Variants in CHL1 observed in about 807,000 individuals in gnomAD.
CHL1 encodes neural cell adhesion molecule L1-like protein.
CHL1 carries 96 observed loss-of-function variants against 141.9 expected under a neutral mutation model. The ratio of observed to expected loss-of-function variants is 0.68; its 90% CI spans 0.57 to 0.80. The LOEUF (loss-of-function observed/expected upper bound fraction) is 0.80. Among genes scored for constraint, CHL1 ranks in the 30% least tolerant of loss-of-function variants. The probability of loss-of-function intolerance (pLI) is 0.00; values close to 1 mark genes in which losing one functional copy is unlikely to be tolerated. For missense variants in CHL1, 1,820 were observed against 1,457.2 expected, an observed-to-expected ratio of 1.25 and a Z score of -4.05; for synonymous variants, 613 against 502.2, an observed-to-expected ratio of 1.22 and a Z score of -2.95.
chr3:240,821 G>A (rs624266), intron 1 of CHL1, among the ~76,000 whole-genome samples: 3 of 152,094 alleles, frequency 2.0e-5, no homozygotes, highest in Non-Finnish European at 4.4e-5. Flanking sequence ...TGTGGCTTGC[G>A]AATTATCGCA....
intron 16 of CHL1, among the ~76,000 whole-genome samples, chr3:381,030 C>G (rs532599391): frequency 6.6e-6 from 1 of 152,138 alleles, no homozygotes; most frequent in African/African-American, 2.4e-5. Context: ...TATACCTAAT[C>G]CCCATCCAAG....
chr3:339,476 G>A (rs1048632185), intron 5 of CHL1, among the ~76,000 whole-genome samples: 3 of 152,112 alleles, frequency 2.0e-5, no homozygotes, highest in Admixed American at 6.6e-5. Flanking sequence ...TTTCTAAAAG[G>A]AATCTTATAG....
At position 382,582 on chromosome 3, in the gene CHL1, T is replaced by C. The variant is rs1707179528; in HGVS notation, c.2087T>C (p.Val696Ala). ...TTVILPLAPFVRYQFRVIAVN... is the reference protein window; with the variant it reads ...TTVILPLAPFARYQFRVIAVN... ...GTTATCTTACCTTTGGCTCCATTTG[T>C]GAGATACCAGTTCAGGGTCATAGCC... Residue 696 changes from valine to alanine, a missense_variant, in exon 18 of 28, where the codon GTG becomes GCG. By Grantham distance (64) the Val-to-Ala change is moderately conservative. Coordinates refer to ENST00000256509, the MANE Select transcript of CHL1 (RefSeq NM_006614.4). 7 of 1,612,338 alleles carry C rather than the reference T, an allele frequency of 4.3e-6. No homozygotes were observed. The highest frequency in any genetic ancestry group is 1.3e-5 in the African/African-American group (1 of 74,926).
chr3:371,672 C>T (rs892820723), intron 15 of CHL1, among the ~76,000 whole-genome samples: 3 of 152,122 alleles, frequency 2.0e-5, no homozygotes, highest in African/African-American at 7.2e-5. Flanking sequence ...TCATTTTGCT[C>T]ATTAGTTGGT....
At chr3:231,318 T>C (rs1413949196) in intron 1 of CHL1, among the ~76,000 whole-genome samples, 2 of 152,110 alleles carry the variant, frequency 1.3e-5, no homozygotes, top group Non-Finnish European at 2.9e-5. Context: ...CCTCTCTTTT[T>C]TACGTTAACA....
chr3:290,960 A>G (rs372139930), intron 2 of CHL1, among the ~76,000 whole-genome samples: 2 of 151,916 alleles, frequency 1.3e-5, no homozygotes, highest in East Asian at 1.9e-4. Context: ...GAAAGAAAGA[A>G]AAAGAAAAAA....
intron 2 of CHL1, among the ~76,000 whole-genome samples, chr3:252,166 A>G (rs1454712469): frequency 4.0e-5 from 6 of 151,690 alleles, no homozygotes; most frequent in African/African-American, 1.4e-4. Context: ...AAATCTAGAA[A>G]AGGGAAAACT....
intron 2 of CHL1, among the ~76,000 whole-genome samples, chr3:304,655 C>T (rs759137414): frequency 1.2e-4 from 18 of 151,992 alleles, no homozygotes; most frequent in Admixed American, 5.2e-4. Flanking sequence ...GTCTGGCTAG[C>T]GGTCTAACTA....
intron 2 of CHL1, among the ~76,000 whole-genome samples, chr3:283,840 A>C (rs891404085): frequency 6.6e-6 from 1 of 151,830 alleles, no homozygotes; most frequent in African/African-American, 2.4e-5. Context: ...CCTCTCCTCC[A>C]CCCCAGTTGA....
In CHL1 at chr3:268,731, T is replaced by A. The variant is rs181440262; in HGVS notation, c.-95+24039T>A. ...AACTTTGAGGCAGCTATACATCTTA[T>A]AGTCTTGTTAGCATACAGAAAACAA... On this transcript the variant is annotated intron_variant, in intron 2 of 27. Transcript: ENST00000256509. Among the ~76,000 whole-genome samples, 8 of 152,268 alleles carry A rather than the reference T, an allele frequency of 5.3e-5. No homozygotes were observed. The East Asian group carries it at 1.5e-3, about 29-fold the overall frequency.
intron 2 of CHL1, among the ~76,000 whole-genome samples, chr3:312,348 G>C (rs1699823191): frequency 6.6e-6 from 1 of 152,230 alleles, no homozygotes; most frequent in African/African-American, 2.4e-5. Context: ...ACATGAAAGA[G>C]TGTTTGAATG....
chr3:314,823 C>G (rs1700042826), intron 2 of CHL1, among the ~76,000 whole-genome samples: 1 of 152,032 alleles, frequency 6.6e-6, no homozygotes, highest in Non-Finnish European at 1.5e-5. Flanking sequence ...AAAAGCCTAC[C>G]AGATTCAAGA....
intron 9 of CHL1, among the ~76,000 whole-genome samples, chr3:346,739 C>T (rs887962078): frequency 6.6e-6 from 1 of 152,174 alleles, no homozygotes; most frequent in African/African-American, 2.4e-5. Context: ...TGATCTGGGT[C>T]GTCTCTCAGA....
intron 2 of CHL1, among the ~76,000 whole-genome samples, chr3:264,486 T>C (rs1459104366): frequency 1.3e-5 from 2 of 152,150 alleles, no homozygotes; most frequent in Admixed American, 6.5e-5. Context: ...CTTTAAGAAA[T>C]AGCAGAGGAC....
intron 1 of CHL1, among the ~76,000 whole-genome samples, chr3:202,469 T>C (rs1404240188): frequency 6.6e-6 from 1 of 152,236 alleles, no homozygotes; most frequent in Admixed American, 6.5e-5. Context: ...TAGTTGTTCT[T>C]AGGCTTGGCT....
At chr3:355,437 T>C (rs1392078107) in intron 11 of CHL1, among the ~76,000 whole-genome samples, 7 of 152,224 alleles carry the variant, frequency 4.6e-5, no homozygotes, top group Non-Finnish European at 1.5e-5. Flanking sequence ...CATTTCACCA[T>C]GCTCAGCATA....
chr3:394,022 A>G (rs1708466880), intron 23 of CHL1, among the ~76,000 whole-genome samples: 1 of 152,172 alleles, frequency 6.6e-6, no homozygotes, highest in Non-Finnish European at 1.5e-5. Flanking sequence ...GACTATTGTT[A>G]CAGTAATCTT....
chr3:350,759 A>G lies in CHL1; in HGVS notation c.1033+1216A>G, dbSNP rs3773397. Reference sequence around the variant, plus strand: ...TAAGGTAGGAAGAATAGAAAACCGAAGTTGAGAATTTTATTTTCTTTGACT... The same window carrying G: ...TAAGGTAGGAAGAATAGAAAACCGAGGTTGAGAATTTTATTTTCTTTGACT... On this transcript the variant is annotated intron_variant, in intron 10 of 27. Coordinates refer to ENST00000256509, the MANE Select transcript of CHL1 (RefSeq NM_006614.4). 1.2e-3 allele frequency among the ~76,000 whole-genome samples: 177 copies of G among 152,300 alleles called. 3 individuals are homozygous for G. The East Asian group carries it at 0.031, about 27-fold the overall frequency.
intron 15 of CHL1, among the ~76,000 whole-genome samples, chr3:375,551 T>A (rs1706207352): frequency 2.6e-5 from 4 of 151,726 alleles, no homozygotes; most frequent in Admixed American, 2.6e-4. Flanking sequence ...AGGTAATTTG[T>A]TCAAGCAGAG....
Sources: gnomAD v4.1 joint callset for allele counts (sites outside exome capture counted in the v4.1 genomes callset) on GRCh38, gnomAD v4.1.1 for gene constraint, MANE v1.5 for transcripts, NCBI Gene and HGNC (gene_info 2026-07-23, HGNC 2026-07-21) for gene names.